The following CDIN1 variants were observed in gnomAD, a reference collection of about 807,000 sequenced individuals.
CDIN1 encodes the protein CDAN1-interacting nuclease 1.
A neutral mutation model predicts 45.3 loss-of-function variants in CDIN1; 33 were observed. That is an observed-to-expected ratio of 0.73 (90% CI 0.55 to 0.97). The LOEUF (loss-of-function observed/expected upper bound fraction) is 0.97. Ranked by LOEUF, CDIN1 falls within the 50% of genes least tolerant of loss-of-function variation. The pLI is 0.00. For synonymous variants in CDIN1, 118 were observed against 124.4 expected, an observed-to-expected ratio of 0.95 and a Z score of 0.34; for missense variants, 303 against 339.4, an observed-to-expected ratio of 0.89 and a Z score of 0.84.
At chr15:36,618,889 A>G in intron 1 of CDIN1, 1 of 1,162,894 alleles carries the variant, frequency 8.6e-7, no homozygotes, top group South Asian at 1.2e-5. Flanking sequence ...CTGCCTCACC[A>G]TGTAATCGTA....
intron 2 of CDIN1, among the ~76,000 whole-genome samples, chr15:36,644,964 T>C (rs539744891): frequency 2.6e-5 from 4 of 152,314 alleles, no homozygotes; most frequent in African/African-American, 7.2e-5. Context: ...ATTCAATTAC[T>C]ATGACCCTGT....
chr15:36,634,870 C>A (rs183049601), intron 1 of CDIN1, among the ~76,000 whole-genome samples: 307 of 152,196 alleles, frequency 2.0e-3, no homozygotes, highest in African/African-American at 6.3e-3. Flanking sequence ...TTTGTTTTTT[C>A]CATCACTTCC....
At chr15:36,620,311 A>G (rs2039121393) in intron 1 of CDIN1, among the ~76,000 whole-genome samples, 1 of 152,134 alleles carries the variant, frequency 6.6e-6, no homozygotes, top group Non-Finnish European at 1.5e-5. Context: ...AGATGGCGCC[A>G]CCGCACTCCA....
rs566304281 is a variant in CDIN1 at position 36,694,556 on chromosome 15, C to T, written c.476+2381C>T. 1.1e-3 allele frequency among the ~76,000 whole-genome samples: 168 copies of T among 151,280 alleles called. 1 individual carries two copies. The highest frequency in any genetic ancestry group is 1.9e-3 in the Non-Finnish European group (132 of 67,770). ...AAGCACAGTTAGCAAAGAGTATATA[C>T]ATCATCATTGTGCTTTCTCTTTTTT... On this transcript the variant is annotated intron_variant, in intron 7 of 10. Transcript: ENST00000566621.
In CDIN1 at chr15:36,617,239, G is replaced by A. The variant is rs575254631; in HGVS notation, c.102-27039G>A. On this transcript the variant is annotated intron_variant, in intron 1 of 10. Coordinates refer to ENST00000566621, the MANE Select transcript of CDIN1 (RefSeq NM_001321759.2). ...TTGGCATGAAACAGCAGCCACATCG[G>A]GTGCTCATCCTGAGGTTAATGCAGA... The A allele has an allele frequency of 3.6e-4, 319 of 893,262 alleles. 5 individuals are homozygous for A. The South Asian group carries it at 4.1e-3, about 11-fold the overall frequency. The allele number at this position is 893,262 out of a possible 1,614,324, so 55.3% of individuals were successfully genotyped here.
intron 10 of CDIN1, among the ~76,000 whole-genome samples, chr15:36,766,448 T>G (rs955105976): frequency 6.6e-6 from 1 of 150,590 alleles, no homozygotes; most frequent in African/African-American, 2.5e-5. Flanking sequence ...GATCATAAAG[T>G]AGTTGCATTT....
intron 10 of CDIN1, among the ~76,000 whole-genome samples, chr15:36,730,464 A>G (rs2043796339): frequency 6.6e-6 from 1 of 152,154 alleles, no homozygotes; most frequent in Admixed American, 6.5e-5. Context: ...TTGTCTTTAT[A>G]ATTTCAATAC....
chr15:36,603,145 G>T (rs188190973), intron 1 of CDIN1, among the ~76,000 whole-genome samples: 116 of 152,234 alleles, frequency 7.6e-4, no homozygotes, highest in Non-Finnish European at 1.4e-3. Context: ...CTTTATCCTT[G>T]TACTTAGTAA....
intron 10 of CDIN1, among the ~76,000 whole-genome samples, chr15:36,761,442 A>G (rs1424719241): frequency 6.6e-6 from 1 of 152,220 alleles, no homozygotes; most frequent in African/African-American, 2.4e-5. Flanking sequence ...ATCTGGTGAC[A>G]GTATACAGCT....
intron 1 of CDIN1, among the ~76,000 whole-genome samples, chr15:36,625,001 G>A (rs2039355372): frequency 6.6e-6 from 1 of 152,160 alleles, no homozygotes; most frequent in African/African-American, 2.4e-5. Flanking sequence ...TATTAGGCTG[G>A]GTGTGGTGGC....
chr15:36,618,411 AG>A, intron 1 of CDIN1: 1 of 745,532 alleles, frequency 1.3e-6, no homozygotes, highest in Non-Finnish European at 2.4e-6. Context: ...GGACTATGGT[AG>A]GGGCAGGAGA....
At chr15:36,625,197 T>C (rs1258577797) in intron 1 of CDIN1, among the ~76,000 whole-genome samples, 1 of 151,280 alleles carries the variant, frequency 6.6e-6, no homozygotes, top group African/African-American at 2.4e-5. Flanking sequence ...AGGAGAATGG[T>C]GTGAACCCGG....
intron 5 of CDIN1, among the ~76,000 whole-genome samples, chr15:36,682,767 C>CA (rs10706117): frequency 0.038 from 2,272 of 59,912 alleles, 29 homozygotes; most frequent in African/African-American, 0.071. Flanking sequence ...AAGACCCTGC[C>CA]AAAAAAAAAA....
chr15:36,619,783 G>A (rs1158484200), intron 1 of CDIN1, among the ~76,000 whole-genome samples: 2 of 152,054 alleles, frequency 1.3e-5, no homozygotes, highest in African/African-American at 4.8e-5. Flanking sequence ...TGATTATATG[G>A]CCTTGTATTG....
intron 8 of CDIN1, among the ~76,000 whole-genome samples, chr15:36,701,764 C>T (rs1483826857): frequency 6.6e-6 from 1 of 152,120 alleles, no homozygotes; most frequent in Non-Finnish European, 1.5e-5. Flanking sequence ...CTCACCCTCG[C>T]CCCCATGTTT....
chr15:36,807,964 C>T (rs540689166), intron 10 of CDIN1, among the ~76,000 whole-genome samples: 77 of 152,146 alleles, frequency 5.1e-4, no homozygotes, highest in South Asian at 1.0e-3. Flanking sequence ...AGACTTAAAT[C>T]CCAAGGCTGG....
At chr15:36,644,905 G>A (rs2040249055) in intron 2 of CDIN1, among the ~76,000 whole-genome samples, 1 of 152,178 alleles carries the variant, frequency 6.6e-6, no homozygotes, top group Admixed American at 6.5e-5. Context: ...GGTTGAAAGA[G>A]GGAACAAGTT....
At chr15:36,640,150 A>G (rs1216090446) in intron 1 of CDIN1, among the ~76,000 whole-genome samples, 1 of 152,178 alleles carries the variant, frequency 6.6e-6, no homozygotes, top group Non-Finnish European at 1.5e-5. Context: ...GTAGTATTAT[A>G]TCAAAGTTTG....
At chr15:36,589,861 G>A (rs1311300804) in intron 1 of CDIN1, among the ~76,000 whole-genome samples, 4 of 152,166 alleles carry the variant, frequency 2.6e-5, no homozygotes, top group South Asian at 2.1e-4. Context: ...TTGTTTGGTC[G>A]GTCCATGGGT....
Sources: gnomAD v4.1 joint callset for allele counts (sites outside exome capture counted in the v4.1 genomes callset) on GRCh38, gnomAD v4.1.1 for gene constraint, MANE v1.5 for transcripts, NCBI Gene and HGNC (gene_info 2026-07-23, HGNC 2026-07-21) for gene names.